The following NELL2 variants were observed in gnomAD, a reference collection of about 807,000 sequenced individuals.
NELL2 encodes the protein protein kinase C-binding protein NELL2.
A neutral mutation model predicts 109.6 loss-of-function variants in NELL2; 41 were observed. The ratio of observed to expected loss-of-function variants is 0.37; its 90% CI spans 0.29 to 0.49. NELL2 has a LOEUF of 0.49. Among genes scored for constraint, NELL2 ranks in the 20% least tolerant of loss-of-function variants. The pLI is 0.98. For missense variants in NELL2, 900 were observed against 1,008.3 expected (o/e 0.89, Z 1.45); for synonymous variants, 355 against 344.7 (o/e 1.03, Z -0.33).
chr12:44,847,936 G>C (rs1284928546), intron 2 of NELL2, among the ~76,000 whole-genome samples: 1 of 149,958 alleles, frequency 6.7e-6, no homozygotes, highest in Non-Finnish European at 1.5e-5. Context: ...GGAGGCTGAG[G>C]TTCAAGAATC....
intron 9 of NELL2, among the ~76,000 whole-genome samples, chr12:44,739,633 G>A (rs1939834861): frequency 6.6e-6 from 1 of 152,210 alleles, no homozygotes; most frequent in Non-Finnish European, 1.5e-5. Flanking sequence ...GCTCATGCCT[G>A]TAATCTCAGC....
intron 1 of NELL2, among the ~76,000 whole-genome samples, chr12:44,907,695 A>G: frequency 6.6e-6 from 1 of 152,120 alleles, no homozygotes; most frequent in East Asian, 1.9e-4. Context: ...AGTAGGATCA[A>G]ATGAAGTTGT....
chr12:44,511,304 A>G (rs1940993262), intron 19 of NELL2, among the ~76,000 whole-genome samples: 3 of 152,216 alleles, frequency 2.0e-5, no homozygotes, highest in Admixed American at 6.5e-5. Context: ...TAACCCTCCT[A>G]TAGATAACAA....
At chr12:44,883,165 T>C (rs1363846961) in intron 1 of NELL2, among the ~76,000 whole-genome samples, 1 of 151,920 alleles carries the variant, frequency 6.6e-6, no homozygotes, top group Non-Finnish European at 1.5e-5. Flanking sequence ...TTTATGATTT[T>C]ATAAATCCAA....
chr12:44,664,116 T>C (rs1350064470), intron 13 of NELL2, among the ~76,000 whole-genome samples: 3 of 152,134 alleles, frequency 2.0e-5, no homozygotes, highest in Non-Finnish European at 2.9e-5. Flanking sequence ...TAGTAAATGA[T>C]ATATTCCTTT....
intron 9 of NELL2, among the ~76,000 whole-genome samples, chr12:44,721,133 C>T (rs571869475): frequency 2.6e-5 from 4 of 152,302 alleles, no homozygotes; most frequent in East Asian, 3.9e-4. Context: ...AAAGCACACG[C>T]TATTGCTGTA....
At chr12:44,817,930 A>C (rs978954039) in intron 2 of NELL2, among the ~76,000 whole-genome samples, 20 of 152,320 alleles carry the variant, frequency 1.3e-4, no homozygotes, top group African/African-American at 4.8e-4. Flanking sequence ...GTGCACAGTA[A>C]TCAGATCAGG....
intron 1 of NELL2, among the ~76,000 whole-genome samples, chr12:44,910,304 C>T (rs1221880963): frequency 1.3e-5 from 2 of 151,880 alleles, no homozygotes; most frequent in Non-Finnish European, 2.9e-5. Context: ...AAAGAATGGG[C>T]AAAAGACATA....
upstream of NELL2, among the ~76,000 whole-genome samples, chr12:44,880,348 A>C (rs1313838913): frequency 6.6e-6 from 1 of 152,074 alleles, no homozygotes; most frequent in Non-Finnish European, 1.5e-5. Flanking sequence ...CAATAAAAGT[A>C]TGTTTAAAAA....
chr12:44,799,273 A>G (rs1414831911), intron 3 of NELL2, among the ~76,000 whole-genome samples: 3 of 151,792 alleles, frequency 2.0e-5, no homozygotes, highest in Non-Finnish European at 2.9e-5. Flanking sequence ...TCCACTTCTT[A>G]TTTATCACCT....
Position 44,876,280 on chromosome 12 carries a change from C to T in NELL2, c.-411G>A. On this transcript the variant is annotated 5_prime_UTR_variant, in exon 1 of 20. Transcript: ENST00000429094. Reference sequence around the variant, plus strand: ...GGCGGCCCCGCACCCCCCCGTCTTCCCCGCCGCCCGAACCTGTTGTAAAGG... The same window carrying T: ...GGCGGCCCCGCACCCCCCCGTCTTCTCCGCCGCCCGAACCTGTTGTAAAGG... 8.6e-7 allele frequency: 1 copy of T among 1,157,842 alleles called. No homozygotes were observed. Among genetic ancestry groups the T allele is most frequent in the Non-Finnish European group, 1.1e-6 (1 of 938,444 alleles). The allele number at this position is 1,157,842 out of a possible 1,614,324, so 71.7% of individuals were successfully genotyped here. A position where few individuals can be genotyped will look rare whatever the true frequency, so the allele number is the denominator to read the frequency against.
chr12:44,764,860 A>G (rs553977789), intron 9 of NELL2, among the ~76,000 whole-genome samples: 68 of 151,348 alleles, frequency 4.5e-4, no homozygotes, highest in African/African-American at 8.0e-4. Context: ...GAGAGAGAGA[A>G]AAAAAAAAGC....
chr12:44,594,573 G>A (rs1244601106), intron 15 of NELL2, among the ~76,000 whole-genome samples: 2 of 152,086 alleles, frequency 1.3e-5, no homozygotes, highest in Non-Finnish European at 2.9e-5. Flanking sequence ...AGTCATTCCA[G>A]TGGAAGGGTG....
At chr12:44,702,695 C>T (rs1419920930) in intron 12 of NELL2, among the ~76,000 whole-genome samples, 1 of 152,036 alleles carries the variant, frequency 6.6e-6, no homozygotes, top group African/African-American at 2.4e-5. Context: ...GGAAGGGAAG[C>T]CATATTTCTT....
intron 9 of NELL2, among the ~76,000 whole-genome samples, chr12:44,737,676 A>C (rs1212994928): frequency 6.6e-6 from 1 of 152,142 alleles, no homozygotes; most frequent in East Asian, 1.9e-4. Flanking sequence ...ATTGGCCCAC[A>C]GAGAATCATT....
intron 3 of NELL2, among the ~76,000 whole-genome samples, chr12:44,810,601 C>T (rs1263672362): frequency 6.6e-6 from 1 of 152,086 alleles, no homozygotes; most frequent in Non-Finnish European, 1.5e-5. Flanking sequence ...TTACTCATAC[C>T]ATGGCCTATT....
chr12:44,786,060 G>A (rs891974812), intron 3 of NELL2, among the ~76,000 whole-genome samples: 2 of 152,150 alleles, frequency 1.3e-5, no homozygotes, highest in African/African-American at 4.8e-5. Context: ...CTTCTGCACA[G>A]CCAAAGAAAC....
At chr12:44,813,342 A>C (rs1416764950) in intron 3 of NELL2, among the ~76,000 whole-genome samples, 1 of 152,210 alleles carries the variant, frequency 6.6e-6, no homozygotes, top group Non-Finnish European at 1.5e-5. Flanking sequence ...CACATCATAG[A>C]ATGATATACT....
At position 44,838,943 on chromosome 12, in the gene NELL2, T is replaced by C. The variant is rs993246271; in HGVS notation, c.185-22807A>G. Among the ~76,000 whole-genome samples the C allele has an allele frequency of 3.9e-5, 6 of 152,202 alleles. No homozygotes were observed. In the South Asian group the frequency reaches 8.3e-4, roughly 21 times the overall value. On this transcript the variant is annotated intron_variant, in intron 2 of 19. Coordinates refer to ENST00000429094, the MANE Select transcript of NELL2 (RefSeq NM_001145108.2). ...GAGAATACATTGAACTACAACATTT[T>C]CTTCTGCTGGTCTAGAAGCCTAGCT...
Sources: allele counts gnomAD v4.1 joint callset (sites outside exome capture counted in the v4.1 genomes callset), GRCh38; gene constraint gnomAD v4.1.1; transcripts MANE v1.5; gene names NCBI Gene and HGNC (gene_info 2026-07-23, HGNC 2026-07-21).